Variants in AFAP1L2 observed in about 807,000 individuals in gnomAD.
AFAP1L2 encodes actin filament-associated protein 1-like 2.
A neutral mutation model predicts 99.3 loss-of-function variants in AFAP1L2; 46 were observed. The observed-to-expected ratio is 0.46, with a 90% CI of 0.37 to 0.59. AFAP1L2 has a LOEUF of 0.59. Ranked by LOEUF, AFAP1L2 falls within the 20% of genes least tolerant of loss-of-function variation. The pLI, the probability that AFAP1L2 is intolerant of heterozygous loss-of-function variation, is 0.00. For missense variants in AFAP1L2, 959 were observed against 1,034.9 expected, an observed-to-expected ratio of 0.93 and a Z score of 1.01; for synonymous variants, 397 against 419.1, an observed-to-expected ratio of 0.95 and a Z score of 0.64.
chr10:114,324,256 G>C (rs2045858498), intron 4 of AFAP1L2, among the ~76,000 whole-genome samples: 1 of 152,198 alleles, frequency 6.6e-6, no homozygotes, highest in African/African-American at 2.4e-5. Context: ...CTTTTGTTTT[G>C]TTTTTCTGAC....
chr10:114,327,522 C>T (rs550072130), intron 4 of AFAP1L2, among the ~76,000 whole-genome samples: 3 of 151,986 alleles, frequency 2.0e-5, no homozygotes, highest in Non-Finnish European at 4.4e-5. Flanking sequence ...ACTGCGTGAG[C>T]GAGTCAGGCT....
At chr10:114,283,285 GCAGGCAGGGCAGCGA>G in the AFAP1L2 span, among the ~76,000 whole-genome samples, 1 of 150,842 alleles carries the variant, frequency 6.6e-6, no homozygotes, top group African/African-American at 2.4e-5. Context: ...AGACACACAG[GCAGGCAGGGCAGCGA>G]GCAGTTAGAC....
At position 114,327,147 on chromosome 10, in the gene AFAP1L2, T is replaced by TTATATTTA. The variant is rs1554902751; in HGVS notation, c.316-3887_316-3886insTAAATATA. ...TGAAGACCGTGAATTTTATATATAT[T>TTATATTTA]TATATATATATATATATATATATAT... is the stretch of plus-strand genomic sequence containing the variant. On this transcript the variant is annotated intron_variant, in intron 4 of 18. Coordinates refer to ENST00000304129, the MANE Select transcript of AFAP1L2 (RefSeq NM_001001936.3). Among the ~76,000 whole-genome samples the TTATATTTA allele has an allele frequency of 9.5e-4, 52 of 54,568 alleles. 5 individuals are homozygous for TTATATTTA. The highest frequency in any genetic ancestry group is 2.3e-3 in the Non-Finnish European group (47 of 20,552). 35.8% of individuals were successfully genotyped at this position (54,568 alleles called of 152,430 possible). A position where few individuals can be genotyped will look rare whatever the true frequency, so the allele number is the denominator to read the frequency against.
chr10:114,295,292 G>A lies in AFAP1L2; in HGVS notation c.*750C>T. 1.0e-6 allele frequency: 1 copy of A among 984,686 alleles called. No homozygotes were observed. The allele number at this position is 984,686 out of a possible 1,614,324, so 61.0% of individuals were successfully genotyped here. ...TTAATCTCAAAAGATACTTTTCACTGTTCTAAATGACAGGATTTTAAGCAT... is the reference window on the plus strand; with the variant it reads ...TTAATCTCAAAAGATACTTTTCACTATTCTAAATGACAGGATTTTAAGCAT... On this transcript the variant is annotated 3_prime_UTR_variant, in exon 19 of 19. Transcript: ENST00000304129.
chr10:114,295,546 G>T lies in AFAP1L2; in HGVS notation c.*496C>A. ...TTTAAAATCACTGAAGACTGAGTTGGGCCTGGTAATATTGGAGAGAACTGA... is the reference window on the plus strand; with the variant it reads ...TTTAAAATCACTGAAGACTGAGTTGTGCCTGGTAATATTGGAGAGAACTGA... On this transcript the variant is annotated 3_prime_UTR_variant, in exon 19 of 19. Transcript: ENST00000304129. 2 of 985,884 alleles carry T rather than the reference G, an allele frequency of 2.0e-6. No individual in the cohort carries two copies. Among genetic ancestry groups the T allele is most frequent in the Non-Finnish European group, 2.4e-6 (2 of 830,336 alleles). The allele number at this position is 985,884 out of a possible 1,614,324, so 61.1% of individuals were successfully genotyped here.
intron 1 of AFAP1L2, among the ~76,000 whole-genome samples, chr10:114,346,993 C>G (rs1158861349): frequency 2.0e-5 from 3 of 152,220 alleles, no homozygotes; most frequent in Admixed American, 6.5e-5. Flanking sequence ...CACGGTTTCC[C>G]TGCTGTTCTA....
intron 1 of AFAP1L2, among the ~76,000 whole-genome samples, chr10:114,400,285 C>G (rs970001100): frequency 1.4e-4 from 21 of 152,170 alleles, no homozygotes; most frequent in African/African-American, 5.1e-4. Flanking sequence ...GCTCCTACCC[C>G]TTCAGAAGAG....
At chr10:114,329,748 G>C (rs945941963) in intron 4 of AFAP1L2, among the ~76,000 whole-genome samples, 2 of 152,220 alleles carry the variant, frequency 1.3e-5, no homozygotes, top group Non-Finnish European at 2.9e-5. Context: ...CATAGCTTAA[G>C]CCTTTGCTCT....
At chr10:114,325,879 C>A (rs72826910) in intron 4 of AFAP1L2, 22,837 of 1,286,906 alleles carry the variant, frequency 0.018, 240 homozygotes, top group Non-Finnish European at 0.02. Context: ...AGGGTCCTCT[C>A]GCCTCTGTGG....
intron 4 of AFAP1L2, among the ~76,000 whole-genome samples, chr10:114,324,581 A>G (rs1217509688): frequency 6.6e-6 from 1 of 152,100 alleles, no homozygotes; most frequent in East Asian, 1.9e-4. Flanking sequence ...CTCCATGGGA[A>G]TATGCATAAT....
At chr10:114,305,803 G>A (rs1178313735) in intron 10 of AFAP1L2, among the ~76,000 whole-genome samples, 2 of 138,044 alleles carry the variant, frequency 1.4e-5, no homozygotes, top group South Asian at 2.5e-4. Flanking sequence ...TGCAGGAGGC[G>A]TCGGGGCTGC....
intron 4 of AFAP1L2, among the ~76,000 whole-genome samples, chr10:114,325,284 A>C (rs982546444): frequency 6.6e-5 from 10 of 152,230 alleles, no homozygotes; most frequent in African/African-American, 2.4e-4. Context: ...CATTGTTATC[A>C]CTGTCTGGGG....
At chr10:114,380,602 G>A (rs1455667331) in intron 1 of AFAP1L2, among the ~76,000 whole-genome samples, 1 of 152,200 alleles carries the variant, frequency 6.6e-6, no homozygotes, top group Non-Finnish European at 1.5e-5. Flanking sequence ...AAAAGTAAGA[G>A]TGAGGGAACA....
chr10:114,281,556 T>C, the AFAP1L2 span, among the ~76,000 whole-genome samples: 2 of 152,254 alleles, frequency 1.3e-5, no homozygotes, highest in African/African-American at 4.8e-5. Flanking sequence ...ACCCAAGGAA[T>C]GGTGGCTGCT....
intron 1 of AFAP1L2, among the ~76,000 whole-genome samples, chr10:114,384,012 G>C (rs1252908806): frequency 6.6e-6 from 1 of 152,164 alleles, no homozygotes; most frequent in Non-Finnish European, 1.5e-5. Flanking sequence ...CTTCTCCCTT[G>C]GCCCCAGTGC....
the AFAP1L2 span, among the ~76,000 whole-genome samples, chr10:114,283,940 A>G: frequency 6.6e-6 from 1 of 152,260 alleles, no homozygotes; most frequent in Non-Finnish European, 1.5e-5. Flanking sequence ...GTAAGCAAAA[A>G]GGACAAGAAA....
At chr10:114,359,412 C>G (rs1373059873) in intron 1 of AFAP1L2, among the ~76,000 whole-genome samples, 1 of 152,172 alleles carries the variant, frequency 6.6e-6, no homozygotes, top group Non-Finnish European at 1.5e-5. Context: ...TTTCCTTGTA[C>G]TTCTTAATGG....
At chr10:114,283,953 G>GCCAGTC in the AFAP1L2 span, among the ~76,000 whole-genome samples, 48 of 152,232 alleles carry the variant, frequency 3.2e-4, no homozygotes, top group African/African-American at 1.0e-3. Context: ...ACAAGAAAAT[G>GCCAGTC]CCAGTCCCAG....
Position 114,300,474 on chromosome 10 carries a change from T to C in AFAP1L2, c.1759A>G (p.Ile587Val). The change falls in exon 14 of 19, where the codon ATA (isoleucine) becomes GTA (valine). Residue 587 changes from isoleucine to valine, a missense_variant. By Grantham distance (29) the Ile-to-Val change is conservative (BLOSUM62 3). Around this residue, in one of 2 missense-constraint regions of AFAP1L2, gnomAD observed 576 missense variants for 562.1 expected, o/e 1.02. Transcript: ENST00000304129. ...TCTCCCAGGTTCTCTGGACACTTTA[T>C]GCAGGGCTCATCTGGGGTGGGACCT... ...GPGPTPDEPC[I>V]KCPENLGEQQ... 1 of 1,613,622 alleles carries C rather than the reference T, an allele frequency of 6.2e-7. No homozygotes were observed. Among genetic ancestry groups the C allele is most frequent in the Non-Finnish European group, 8.5e-7 (1 of 1,179,540 alleles).
Sources: allele counts gnomAD v4.1 joint callset (sites outside exome capture counted in the v4.1 genomes callset), GRCh38; gene constraint gnomAD v4.1.1; regional missense constraint gnomAD v4.1.1; transcripts MANE v1.5; gene names NCBI Gene and HGNC (gene_info 2026-07-23, HGNC 2026-07-21).